Variants in PTPRD observed in about 807,000 individuals in gnomAD.
The protein encoded by PTPRD is protein tyrosine phosphatase receptor type D, also known as receptor-type tyrosine-protein phosphatase delta.
A neutral mutation model predicts 214.5 loss-of-function variants in PTPRD; 34 were observed. The observed-to-expected ratio is 0.16, with a 90% CI of 0.12 to 0.21. PTPRD has a LOEUF of 0.21. Ranked by LOEUF, PTPRD falls within the 10% of genes least tolerant of loss-of-function variation. The pLI is 1.00. For missense variants in PTPRD, 2,545 were observed against 2,398.7 expected (o/e 1.06, Z -1.27); for synonymous variants, 1,128 against 845.7 (o/e 1.33, Z -5.79).
At chr9:9,393,204 T>C (rs10977716) in intron 9 of PTPRD, among the ~76,000 whole-genome samples, 11 of 152,088 alleles carry the variant, frequency 7.2e-5, no homozygotes, top group African/African-American at 2.4e-4. Flanking sequence ...ACATCTGGTG[T>C]GATAGACTGA....
intron 5 of PTPRD, among the ~76,000 whole-genome samples, chr9:9,911,266 A>T (rs1351965672): frequency 1.3e-5 from 2 of 152,110 alleles, no homozygotes; most frequent in African/African-American, 4.8e-5. Flanking sequence ...CTCTCGTCCC[A>T]TACTGCATTG....
intron 7 of PTPRD, among the ~76,000 whole-genome samples, chr9:9,693,051 C>A (rs888800138): frequency 3.9e-5 from 6 of 151,970 alleles, no homozygotes; most frequent in Non-Finnish European, 7.4e-5. Context: ...AATATAAGAT[C>A]ATATAATCTA....
At position 8,470,986 on chromosome 9, in the gene PTPRD, C is replaced by T. The variant is rs766253155; in HGVS notation, c.3504+9G>A. ...GAATAAAAGACATGGCCAACAATGA[C>T]ACAGTTACCTCATCTAATTCCATTT... On this transcript the variant is annotated intron_variant, in intron 31 of 45. Coordinates refer to ENST00000381196, the MANE Select transcript of PTPRD (RefSeq NM_002839.4). 9 of 1,608,150 alleles carry T rather than the reference C, an allele frequency of 5.6e-6. No homozygotes were observed. Among genetic ancestry groups the T allele is most frequent in the Non-Finnish European group, 7.7e-6 (9 of 1,174,822 alleles).
At chr9:10,588,020 A>C (rs1464678057) in intron 2 of PTPRD, among the ~76,000 whole-genome samples, 1 of 152,098 alleles carries the variant, frequency 6.6e-6, no homozygotes, top group African/African-American at 2.4e-5. Context: ...AGTACCAAGT[A>C]GCTAATTGAT....
At chr9:9,409,560 C>A (rs762941482) in intron 8 of PTPRD, among the ~76,000 whole-genome samples, 54 of 151,984 alleles carry the variant, frequency 3.6e-4, no homozygotes, top group African/African-American at 6.8e-4. Flanking sequence ...ACTGCTAGAA[C>A]TGAGAGCACT....
chr9:8,767,448 G>C (rs1315230562), intron 11 of PTPRD, among the ~76,000 whole-genome samples: 1 of 151,950 alleles, frequency 6.6e-6, no homozygotes, highest in African/African-American at 2.4e-5. Flanking sequence ...ATTTCCCCTT[G>C]TACAACTCTA....
At chr9:10,452,836 T>C (rs1254259587) in intron 2 of PTPRD, among the ~76,000 whole-genome samples, 1 of 151,782 alleles carries the variant, frequency 6.6e-6, no homozygotes, top group African/African-American at 2.4e-5. Context: ...TTTGATGTAG[T>C]CTCATGTTTA....
chr9:8,755,355 C>A (rs2093911417), intron 11 of PTPRD, among the ~76,000 whole-genome samples: 1 of 151,756 alleles, frequency 6.6e-6, no homozygotes, highest in African/African-American at 2.4e-5. Flanking sequence ...CATGGTGAAA[C>A]CCTGTCTCTA....
chr9:9,524,083 G>A (rs1011420196), intron 8 of PTPRD, among the ~76,000 whole-genome samples: 4 of 152,104 alleles, frequency 2.6e-5, no homozygotes, highest in Non-Finnish European at 4.4e-5. Context: ...TCTAGGCTGG[G>A]GAAGGTGTAC....
At chr9:9,358,808 T>C (rs1408550104) in intron 9 of PTPRD, among the ~76,000 whole-genome samples, 1 of 151,292 alleles carries the variant, frequency 6.6e-6, no homozygotes, top group African/African-American at 2.4e-5. Flanking sequence ...ATTAACGTCA[T>C]TAAGCTGCTT....
At chr9:9,085,978 G>A (rs528663388) in intron 10 of PTPRD, among the ~76,000 whole-genome samples, 2 of 152,012 alleles carry the variant, frequency 1.3e-5, no homozygotes, top group Non-Finnish European at 2.9e-5. Context: ...AAAACATTTT[G>A]GGCTAGCCTT....
At chr9:9,931,596 A>G (rs1311038657) in intron 5 of PTPRD, among the ~76,000 whole-genome samples, 4 of 151,958 alleles carry the variant, frequency 2.6e-5, no homozygotes, top group African/African-American at 9.7e-5. Context: ...AGTCTCGCTG[A>G]TTGCTAGCAC....
chr9:8,337,294 T>C (rs574205880), intron 43 of PTPRD, among the ~76,000 whole-genome samples: 47 of 152,224 alleles, frequency 3.1e-4, no homozygotes, highest in Non-Finnish European at 5.7e-4. Flanking sequence ...AAGGATGAGT[T>C]CATGTCCTTT....
chr9:9,075,916 G>T (rs570798054), intron 10 of PTPRD, among the ~76,000 whole-genome samples: 7 of 152,122 alleles, frequency 4.6e-5, no homozygotes, highest in Non-Finnish European at 1.0e-4. Context: ...AATCCTTTGG[G>T]TATATACCCA....
chr9:10,348,067 A>T (rs1312035348), intron 2 of PTPRD, among the ~76,000 whole-genome samples: 2 of 152,108 alleles, frequency 1.3e-5, no homozygotes, highest in African/African-American at 4.8e-5. Context: ...AAAAAAACAA[A>T]ATGTACAATA....
chr9:9,745,323 A>T (rs2098446536), intron 6 of PTPRD, among the ~76,000 whole-genome samples: 1 of 152,128 alleles, frequency 6.6e-6, no homozygotes, highest in Non-Finnish European at 1.5e-5. Context: ...GGAAAAATTC[A>T]GTAATTCTGA....
chr9:9,269,827 T>G (rs1175061678), intron 9 of PTPRD, among the ~76,000 whole-genome samples: 1 of 150,600 alleles, frequency 6.6e-6, no homozygotes, highest in East Asian at 2.0e-4. Context: ...GAACAGAGAG[T>G]AGAAGGATGG....
intron 8 of PTPRD, among the ~76,000 whole-genome samples, chr9:9,438,362 T>C (rs1009581072): frequency 8.5e-5 from 13 of 152,230 alleles, no homozygotes; most frequent in Middle Eastern, 3.2e-3. Context: ...CATGAAGCTA[T>C]GTTCTGTGGA....
intron 5 of PTPRD, among the ~76,000 whole-genome samples, chr9:9,880,898 G>A (rs926325803): frequency 6.6e-6 from 1 of 151,860 alleles, no homozygotes; most frequent in African/African-American, 2.4e-5. Context: ...TTTTATTTTG[G>A]AAAATAATTA....
Sources: allele counts gnomAD v4.1 joint callset (sites outside exome capture counted in the v4.1 genomes callset), GRCh38; gene constraint gnomAD v4.1.1; transcripts MANE v1.5; gene names NCBI Gene and HGNC (gene_info 2026-07-23, HGNC 2026-07-21).